GORASP1: variants seen among roughly 807,000 people sequenced by gnomAD.
The protein encoded by GORASP1 is Golgi reassembly-stacking protein 1.
Under a neutral mutation model 37.7 loss-of-function variants are expected in GORASP1, and 31 were observed. The ratio of observed to expected loss-of-function variants is 0.82; its 90% CI spans 0.62 to 1.11. GORASP1 has a LOEUF of 1.11. GORASP1 is among the 50% of genes least tolerant of loss of function. GORASP1 has a pLI of 0.00. For synonymous variants in GORASP1, 204 were observed against 224.8 expected, an observed-to-expected ratio of 0.91 and a Z score of 0.83; for missense variants, 476 against 560.7, an observed-to-expected ratio of 0.85 and a Z score of 1.53.
At position 39,100,440 on chromosome 3, in the gene GORASP1, G is replaced by T. The variant is rs760960021; in HGVS notation, c.630C>A (p.His210Gln). The T allele has an allele frequency of 1.9e-6, 3 of 1,610,884 alleles. No homozygotes were observed. Among genetic ancestry groups the T allele is most frequent in the Non-Finnish European group, 1.7e-6 (2 of 1,178,280 alleles). ...GTGGTGGGGTGCCAGGTGGCTTCTT[G>T]TGGTAGCTGGGGGGCTGAGTTGGGA... is the stretch of plus-strand genomic sequence containing the variant. Reference protein sequence around the residue: ...HRIPTQPPSYHKKPPGTPPPS... With the variant: ...HRIPTQPPSYQKKPPGTPPPS... Residue 210 changes from histidine (H) to glutamine (Q), a missense_variant, in exon 6 of 9, where the codon CAC (histidine) becomes CAA (glutamine). His to Gln is a conservative substitution (Grantham distance 24). Transcript: ENST00000319283. The surrounding 1 kb of genome is among the most constrained non-coding windows in gnomAD (Gnocchi z 4.6).
Position 39,100,506 on chromosome 3 carries a change from G to C in GORASP1, c.567-3C>G. 2 of 1,555,666 alleles carry C rather than the reference G, an allele frequency of 1.3e-6. No homozygotes were observed. The highest frequency in any genetic ancestry group is 1.7e-6 in the Non-Finnish European group (2 of 1,151,984). ...CATAGCCAATGCCACATCCCAGACT[G>C]CCGAAGGCCAGAAACATTCAATCCA... On this transcript the variant is annotated splice_region_variant and splice_polypyrimidine_tract_variant and intron_variant, in intron 5 of 8. Transcript: ENST00000319283. This position sits in a 1 kb window ranked among gnomAD's most constrained non-coding sequence, Gnocchi z 4.6.
In GORASP1 at chr3:39,100,798, G is replaced by T. The variant is rs528884249; in HGVS notation, c.515C>A (p.Ser172Tyr). 1.2e-6 allele frequency: 2 copies of T among 1,614,112 alleles called. No homozygotes were observed. The highest frequency in any genetic ancestry group is 4.5e-5 in the East Asian group (2 of 44,874). ...KLMVYNSKSD[S>Y]CREVTVTPNA... The stretch of plus-strand genomic sequence containing the variant: ...GGGAGTTACAGTCACCTCCCGGCAG[G>T]AGTCTGACTTGGAGTTATACACCAT... Residue 172 changes from serine to tyrosine, a missense_variant, in exon 5 of 9, where the codon TCC becomes TAC. Coordinates refer to ENST00000319283, the MANE Select transcript of GORASP1 (RefSeq NM_031899.4). The surrounding 1 kb of genome is among the most constrained non-coding windows in gnomAD (Gnocchi z 4.6).
chr3:39,102,674 T>G lies in GORASP1; in HGVS notation c.348+4A>C, dbSNP rs2035797785. The G allele has an allele frequency of 5.0e-6, 8 of 1,613,670 alleles. No individual in the cohort carries two copies. The highest frequency in any genetic ancestry group is 6.8e-6 in the Non-Finnish European group (8 of 1,179,882). On this transcript the variant is annotated splice_donor_region_variant and intron_variant, in intron 3 of 8. Transcript: ENST00000319283. This position sits in a 1 kb window ranked among gnomAD's most constrained non-coding sequence, Gnocchi z 5.0. ...CACCCTGCCCTGCCATACCCCACACTCACCAGCACATGCCACACCTGCTCA... is the reference window on the plus strand; with the variant it reads ...CACCCTGCCCTGCCATACCCCACACGCACCAGCACATGCCACACCTGCTCA...
At position 39,099,124 on chromosome 3, in the gene GORASP1, A is replaced by G. The variant is rs751300910; in HGVS notation, c.916+229T>C. ...TGTGAATAGCACAGTGGCAGTAGGC[A>G]TAGACTCTGCTCTGTGTCCAATTTG... On this transcript the variant is annotated intron_variant, in intron 7 of 8. Transcript: ENST00000319283. 2.7e-5 allele frequency: 21 copies of G among 775,392 alleles called. No homozygotes were observed. In the South Asian group the frequency reaches 2.9e-4, roughly 11 times the overall value. 48.0% of individuals were successfully genotyped at this position (775,392 alleles called of 1,614,324 possible). A position where few individuals can be genotyped will look rare whatever the true frequency, so the allele number is the denominator to read the frequency against.
intron 3 of GORASP1, 26 bp from the exon 4 acceptor site, chr3:39,101,128 G>C: frequency 3.1e-6 from 5 of 1,608,648 alleles, no homozygotes; most frequent in South Asian, 1.1e-5. Flanking sequence ...CAAACCACTG[G>C]CCATGCTACT....
Position 39,098,235 on chromosome 3 carries a change from G to T in GORASP1, c.*1C>A, listed in dbSNP as rs752774516. 1 of 1,613,808 alleles carries T rather than the reference G, an allele frequency of 6.2e-7. No individual in the cohort carries two copies. The highest frequency in any genetic ancestry group is 1.1e-5 in the South Asian group (1 of 91,058). The stretch of plus-strand genomic sequence containing the variant: ...CATGGGCCTTGTCACAGCCCAGGGT[G>T]TTATTCTGTGGTAGAGATCTGGGCC... On this transcript the variant is annotated 3_prime_UTR_variant, in exon 9 of 9. Transcript: ENST00000319283. The surrounding 1 kb of genome is among the most constrained non-coding windows in gnomAD (Gnocchi z 4.7).
intron 1 of GORASP1, 115 bp downstream of exon 1, chr3:39,107,364 C>T (rs1405492876): frequency 1.2e-5 from 8 of 656,434 alleles, no homozygotes; most frequent in Non-Finnish European, 1.7e-5. Context: ...GCCACCCAGG[C>T]GGAAACACTC....
At chr3:39,099,985 G>A (rs2035592509) in intron 6 of GORASP1, among the ~76,000 whole-genome samples, 1 of 152,214 alleles carries the variant, frequency 6.6e-6, no homozygotes, top group Non-Finnish European at 1.5e-5. Flanking sequence ...CCCAACTGTG[G>A]CTCTGAAGGC....
At position 39,100,359 on chromosome 3, in the gene GORASP1, G is replaced by A. The variant is rs371320674; in HGVS notation, c.711C>T (p.Thr237=). Residue 237 remains threonine, a synonymous_variant, in exon 6 of 9, where the codon ACC becomes ACT. Coordinates refer to ENST00000319283, the MANE Select transcript of GORASP1 (RefSeq NM_031899.4). The surrounding 1 kb of genome is among the most constrained non-coding windows in gnomAD (Gnocchi z 4.6). The stretch of plus-strand genomic sequence containing the variant: ...TCTCCAGGGAAGGAGAGTCCTCGGG[G>A]GTGGGTCCAGGTGGTAGAGCATCAG... ...PPPDALPPGP[T]PEDSPSLETG... The A allele has an allele frequency of 3.3e-5, 54 of 1,614,156 alleles. No homozygotes were observed. The Middle Eastern group carries it at 8.2e-4, about 25-fold the overall frequency.
chr3:39,100,275 C>A lies in GORASP1; in HGVS notation c.765+30G>T. ...AAGGGCAGCCTCTAGAGTTTTCTGTCTTCCCAGTTGGCAGATTCTCCCCAC... is the reference window on the plus strand; with the variant it reads ...AAGGGCAGCCTCTAGAGTTTTCTGTATTCCCAGTTGGCAGATTCTCCCCAC... On this transcript the variant is annotated intron_variant, in intron 6 of 8. Transcript: ENST00000319283. The surrounding 1 kb of genome is among the most constrained non-coding windows in gnomAD (Gnocchi z 4.6). 1 of 1,605,328 alleles carries A rather than the reference C, an allele frequency of 6.2e-7. No homozygotes were observed. Among genetic ancestry groups the A allele is most frequent in the South Asian group, 1.1e-5 (1 of 90,922 alleles).
chr3:39,101,170 G>T, intron 3 of GORASP1, 68 bp from the exon 4 acceptor site: 3 of 1,394,334 alleles, frequency 2.2e-6, no homozygotes, highest in Non-Finnish European at 3.0e-6. Flanking sequence ...GAAAGGGCAG[G>T]GGGAACTGCC....
chr3:39,098,646 G>T lies in GORASP1; in HGVS notation c.1069+95C>A. ...TGCCTTGGTGTGGCTGTATCAACCC[G>T]ATGGCCCACTTCTGCCCAGCTGAGG... On this transcript the variant is annotated intron_variant, in intron 8 of 8. Coordinates refer to ENST00000319283, the MANE Select transcript of GORASP1 (RefSeq NM_031899.4). This position sits in a 1 kb window ranked among gnomAD's most constrained non-coding sequence, Gnocchi z 4.7. 1 of 1,527,784 alleles carries T rather than the reference G, an allele frequency of 6.5e-7. No individual in the cohort carries two copies. The highest frequency in any genetic ancestry group is 8.9e-7 in the Non-Finnish European group (1 of 1,127,160). The allele number at this position is 1,527,784 out of a possible 1,614,324, so 94.6% of individuals were successfully genotyped here.
At position 39,103,575 on chromosome 3, in the gene GORASP1, A is replaced by G; in HGVS notation, c.64-22T>C. ...GCACCTATCCCACAGCAAAGACCAC[A>G]GTCACTGCGCCAACCCTGGGACTCT... On this transcript the variant is annotated intron_variant, in intron 1 of 8. Transcript: ENST00000319283. This position sits in a 1 kb window ranked among gnomAD's most constrained non-coding sequence, Gnocchi z 5.2. 6.3e-7 allele frequency: 1 copy of G among 1,595,150 alleles called. No individual in the cohort carries two copies. Among genetic ancestry groups the G allele is most frequent in the Non-Finnish European group, 8.6e-7 (1 of 1,168,920 alleles).
rs564764221 is a variant in GORASP1, at chr3:39,103,371, G to C, written c.144+102C>G. The C allele has an allele frequency of 3.5e-6, 3 of 863,092 alleles. No individual in the cohort carries two copies. The highest frequency in any genetic ancestry group is 1.6e-5 in the South Asian group (1 of 61,122). The allele number at this position is 863,092 out of a possible 1,614,324, so 53.5% of individuals were successfully genotyped here. A position where few individuals can be genotyped will look rare whatever the true frequency, so the allele number is the denominator to read the frequency against. ...GGAGACAGGGCTGGGACTCCCTTTA[G>C]AAAAAAAGGGAGGGAAGGGTAGACT... On this transcript the variant is annotated intron_variant, in intron 2 of 8. Coordinates refer to ENST00000319283, the MANE Select transcript of GORASP1 (RefSeq NM_031899.4). This position sits in a 1 kb window ranked among gnomAD's most constrained non-coding sequence, Gnocchi z 5.2.
rs1275320726 is a variant in GORASP1 at position 39,102,609 on chromosome 3, C to G, written c.348+69G>C. On this transcript the variant is annotated intron_variant, in intron 3 of 8. Transcript: ENST00000319283. This position sits in a 1 kb window ranked among gnomAD's most constrained non-coding sequence, Gnocchi z 5.0. ...CTGCATGTACCCCCTCACACCCCGC[C>G]CACACCCAGACCTGCCCCAGTAAAC... 24 of 1,528,120 alleles carry G rather than the reference C, an allele frequency of 1.6e-5. No homozygotes were observed. Among genetic ancestry groups the G allele is most frequent in the Non-Finnish European group, 2.1e-5 (23 of 1,109,970 alleles). The allele number at this position is 1,528,120 out of a possible 1,614,324, so 94.7% of individuals were successfully genotyped here.
At position 39,103,476 on chromosome 3, in the gene GORASP1, C is replaced by A. The variant is rs147622696; in HGVS notation, c.141G>T (p.Arg47Ser). ...AGAGGCAGGTTGGGGAACTCACCAG[C>A]CTCGAGTGCCCAATGGTGATGATGA... is the stretch of plus-strand genomic sequence containing the variant. Reference protein sequence around the residue: ...FDFIITIGHSRLNKENDTLKA... With the variant: ...FDFIITIGHSSLNKENDTLKA... The change falls in exon 2 of 9, where the codon AGG (arginine) becomes AGT (serine). Residue 47 changes from arginine (R) to serine (S), a missense_variant. Physicochemically the swap from Arg to Ser is moderately radical, Grantham distance 110. Transcript: ENST00000319283. The surrounding 1 kb of genome is among the most constrained non-coding windows in gnomAD (Gnocchi z 5.2). 2 of 1,611,914 alleles carry A rather than the reference C, an allele frequency of 1.2e-6. No homozygotes were observed. Among genetic ancestry groups the A allele is most frequent in the African/African-American group, 2.7e-5 (2 of 75,004 alleles).
At position 39,105,988 on chromosome 3, in the gene GORASP1, C is replaced by G. The variant is rs2036031126; in HGVS notation, c.63+1491G>C. The stretch of plus-strand genomic sequence containing the variant: ...TTTACTTCCTTCAGAAGCATCTGTT[C>G]GAATGTGACTTGAGAAGAGGCCCTT... On this transcript the variant is annotated intron_variant, in intron 1 of 8. Transcript: ENST00000319283. The surrounding 1 kb of genome is among the most constrained non-coding windows in gnomAD (Gnocchi z 5.4). 6.6e-6 allele frequency among the ~76,000 whole-genome samples: 1 copy of G among 152,184 alleles called. No homozygotes were observed. Among genetic ancestry groups the G allele is most frequent in the African/African-American group, 2.4e-5 (1 of 41,436 alleles).
At position 39,103,540 on chromosome 3, in the gene GORASP1, G is replaced by T; in HGVS notation, c.77C>A (p.Ser26Tyr). Residue 26 changes from serine to tyrosine, a missense_variant, in exon 2 of 9, where the codon TCC becomes TAC. Transcript: ENST00000319283. This position sits in a 1 kb window ranked among gnomAD's most constrained non-coding sequence, Gnocchi z 5.2. ...CTCCAGGCCCGCCTGCTGGGCTGGG[G>T]AGTTCTCCTGCACCTATCCCACAGC... ...GFHLHGVQEN[S>Y]PAQQAGLEPY... The T allele has an allele frequency of 1.2e-6, 2 of 1,613,114 alleles. No individual in the cohort carries two copies. Among genetic ancestry groups the T allele is most frequent in the Non-Finnish European group, 1.7e-6 (2 of 1,179,734 alleles).
chr3:39,103,719 A>G lies in GORASP1; in HGVS notation c.64-166T>C, dbSNP rs771177852. On this transcript the variant is annotated intron_variant, in intron 1 of 8. Coordinates refer to ENST00000319283, the MANE Select transcript of GORASP1 (RefSeq NM_031899.4). This position sits in a 1 kb window ranked among gnomAD's most constrained non-coding sequence, Gnocchi z 5.2. Reference sequence around the variant, plus strand: ...AGGGTTCACTCCATGGCCTCTTGCTACCTTCCTGGGCACAAATTTTCCTCT... The same window carrying G: ...AGGGTTCACTCCATGGCCTCTTGCTGCCTTCCTGGGCACAAATTTTCCTCT... The G allele has an allele frequency of 7.6e-5, 38 of 497,764 alleles. No homozygotes were observed. The highest frequency in any genetic ancestry group is 1.2e-4 in the Non-Finnish European group (35 of 283,826). 30.8% of individuals were successfully genotyped at this position (497,764 alleles called of 1,614,324 possible).
Sources: allele counts gnomAD v4.1 joint callset (sites outside exome capture counted in the v4.1 genomes callset), GRCh38; gene constraint gnomAD v4.1.1; non-coding constraint Gnocchi (gnomAD v3.1); transcripts MANE v1.5; gene names NCBI Gene and HGNC (gene_info 2026-07-23, HGNC 2026-07-21).